Variants in UHRF2 observed in about 807,000 individuals in gnomAD.
The protein encoded by UHRF2 is ubiquitin like with PHD and ring finger domains 2, also known as E3 ubiquitin-protein ligase UHRF2.
In UHRF2, 23 loss-of-function variants were observed where a neutral mutation model predicts 96.8. The ratio of observed to expected loss-of-function variants is 0.24; its 90% confidence interval spans 0.17 to 0.34. The LOEUF is 0.34. UHRF2 is among the 10% of genes least tolerant of loss of function. The pLI, the probability that UHRF2 is intolerant of heterozygous loss-of-function variation, is 1.00. For missense variants in UHRF2, 685 were observed against 981.5 expected (o/e 0.70, Z 4.04); for synonymous variants, 385 against 332.6 (o/e 1.16, Z -1.72).
At position 6,419,365 on chromosome 9, in the gene UHRF2, G is replaced by T; in HGVS notation, c.154-1547G>T. On this transcript the variant is annotated intron_variant, in intron 1 of 15. Coordinates refer to ENST00000276893, the MANE Select transcript of UHRF2 (RefSeq NM_152896.3). The stretch of plus-strand genomic sequence containing the variant: ...AATTTATTCACTATTCTTCCTGGAA[G>T]ACTTCTTGATAAAACTTGATAATTG... Among the ~76,000 whole-genome samples the T allele has an allele frequency of 1.3e-5, 2 of 152,130 alleles. 1 individual carries two copies. Among genetic ancestry groups the T allele is most frequent in the East Asian group, 3.8e-4 (2 of 5,196 alleles).
chr9:6,419,945 G>C (rs955827443), intron 1 of UHRF2, among the ~76,000 whole-genome samples: 2 of 151,914 alleles, frequency 1.3e-5, no homozygotes, highest in African/African-American at 4.8e-5. Flanking sequence ...TTTTTGTAGA[G>C]ATGGGGTTAC....
At chr9:6,457,907 T>C (rs910584742) in intron 3 of UHRF2, among the ~76,000 whole-genome samples, 1 of 152,230 alleles carries the variant, frequency 6.6e-6, no homozygotes, top group African/African-American at 2.4e-5. Context: ...GGATTCGGTT[T>C]GCCCGTATTT....
intron 4 of UHRF2, among the ~76,000 whole-genome samples, chr9:6,470,143 C>T (rs561333751): frequency 3.9e-5 from 6 of 152,180 alleles, no homozygotes; most frequent in South Asian, 2.1e-4. Flanking sequence ...AAGGCCAAGG[C>T]GGGCAGATCA....
chr9:6,464,476 G>A (rs1348844115), intron 4 of UHRF2, among the ~76,000 whole-genome samples: 1 of 151,536 alleles, frequency 6.6e-6, no homozygotes, highest in Non-Finnish European at 1.5e-5. Flanking sequence ...TTTCCTTTAT[G>A]CTTGTACTTT....
chr9:6,488,946 G>A (rs1234303316), intron 9 of UHRF2, among the ~76,000 whole-genome samples: 1 of 151,922 alleles, frequency 6.6e-6, no homozygotes, highest in South Asian at 2.1e-4. Flanking sequence ...CCGAGTAGCT[G>A]GGACTACAGG....
At chr9:6,463,633 T>G (rs1822689899) in intron 4 of UHRF2, among the ~76,000 whole-genome samples, 1 of 151,936 alleles carries the variant, frequency 6.6e-6, no homozygotes, top group African/African-American at 2.4e-5. Context: ...ACCATGCCCA[T>G]CTCATTTTTT....
At chr9:6,422,414 A>G (rs556834871) in intron 2 of UHRF2, among the ~76,000 whole-genome samples, 62 of 151,496 alleles carry the variant, frequency 4.1e-4, no homozygotes, top group African/African-American at 5.6e-4. Context: ...TATCTCCCCA[A>G]TTTCTTTCCT....
chr9:6,498,070 GCTAT>G lies in UHRF2; in HGVS notation c.1823_1826del (p.Tyr608PhefsTer2), dbSNP rs1825072391. The G allele has an allele frequency of 6.2e-7, 1 of 1,613,618 alleles. No homozygotes were observed. Among genetic ancestry groups the G allele is most frequent in the African/African-American group, 1.3e-5 (1 of 74,902 alleles). Reference sequence around the variant, plus strand: ...TCAAGCCATGGATTCTTGGTTTGGCGCTATCTTTTAAGAAGAGATGATGTTGAAC... The same window carrying G: ...TCAAGCCATGGATTCTTGGTTTGGCGCTTTTAAGAAGAGATGATGTTGAAC... On this transcript the variant is annotated frameshift_variant, in exon 12 of 16. Transcript: ENST00000276893. LOFTEE classifies it high-confidence loss of function.
intron 4 of UHRF2, among the ~76,000 whole-genome samples, chr9:6,471,280 A>G (rs1587842303): frequency 6.6e-6 from 1 of 152,092 alleles, no homozygotes. Flanking sequence ...GCTGTGCAGG[A>G]GAAATATGTG....
intron 2 of UHRF2, among the ~76,000 whole-genome samples, chr9:6,429,994 G>T (rs1446252456): frequency 6.6e-6 from 1 of 152,124 alleles, no homozygotes; most frequent in Non-Finnish European, 1.5e-5. Flanking sequence ...TATTTGGACA[G>T]GGGAAACTTT....
intron 4 of UHRF2, among the ~76,000 whole-genome samples, chr9:6,469,440 C>A (rs535637027): frequency 6.6e-6 from 1 of 151,934 alleles, no homozygotes; most frequent in Non-Finnish European, 1.5e-5. Context: ...ATCACCTGAA[C>A]CTGGGAGACA....
At chr9:6,418,813 C>G (rs866505393) in intron 1 of UHRF2, among the ~76,000 whole-genome samples, 1 of 152,226 alleles carries the variant, frequency 6.6e-6, no homozygotes, top group Middle Eastern at 3.4e-3. Flanking sequence ...TGTACCAAAA[C>G]CTGGGTGGCT....
chr9:6,462,471 A>G (rs1277196355), intron 4 of UHRF2, among the ~76,000 whole-genome samples: 1 of 152,222 alleles, frequency 6.6e-6, no homozygotes, highest in African/African-American at 2.4e-5. Flanking sequence ...TGAAACCCTG[A>G]TATGGATGCA....
In UHRF2 at chr9:6,413,306, G is replaced by C. The variant is rs1020928895; in HGVS notation, c.-185G>C. 3 of 368,580 alleles carry C rather than the reference G, an allele frequency of 8.1e-6. No homozygotes were observed. The highest frequency in any genetic ancestry group is 1.2e-5 in the Non-Finnish European group (3 of 242,178). The allele number at this position is 368,580 out of a possible 1,614,324, so 22.8% of individuals were successfully genotyped here. On this transcript the variant is annotated 5_prime_UTR_variant, in exon 1 of 16. Coordinates refer to ENST00000276893, the MANE Select transcript of UHRF2 (RefSeq NM_152896.3). ...CGGTCGTCTCTCCTCAAGTCGGCTA[G>C]TCGGGCGCGCGCGCTGAGAGTCGTC...
intron 2 of UHRF2, among the ~76,000 whole-genome samples, chr9:6,430,138 G>C (rs1776492193): frequency 6.6e-6 from 1 of 152,186 alleles, no homozygotes. Flanking sequence ...AGCCTCCCAA[G>C]TAGCTGGGAT....
chr9:6,445,981 C>CTTTGTTTTTTTTTTTTTTTTTTTTT (rs751155835), intron 3 of UHRF2, among the ~76,000 whole-genome samples: 5 of 78,904 alleles, frequency 6.3e-5, no homozygotes, highest in African/African-American at 2.1e-4. Context: ...CCCCGCCACC[C>CTTTGTTTTTTTTTTTTTTTTTTTTT]TTTTTTTTTT....
Position 6,481,780 on chromosome 9 carries a change from TC to T in UHRF2, c.1284+18del. On this transcript the variant is annotated intron_variant, in intron 7 of 15. Coordinates refer to ENST00000276893, the MANE Select transcript of UHRF2 (RefSeq NM_152896.3). ...GACTGGGGCAGGGTAAAGAAGAAAT[TC>T]CCCTTTTCTTCCTAATAGCAAGTTA... 1 of 1,600,180 alleles carries T rather than the reference TC, an allele frequency of 6.2e-7. No individual in the cohort carries two copies. Among genetic ancestry groups the T allele is most frequent in the East Asian group, 2.2e-5 (1 of 44,804 alleles).
chr9:6,469,705 C>CAT (rs1554630054), intron 4 of UHRF2, among the ~76,000 whole-genome samples: 6 of 147,772 alleles, frequency 4.1e-5, no homozygotes, highest in African/African-American at 1.5e-4. Context: ...TATATACATA[C>CAT]ATATACACAC....
At chr9:6,491,191 G>C (rs13283631) in intron 9 of UHRF2, among the ~76,000 whole-genome samples, 4,819 of 152,298 alleles carry the variant, frequency 0.032, 100 homozygotes, top group Middle Eastern at 0.071. Context: ...GAAGTAGTTT[G>C]CTCAGTGTTC....
Sources: allele counts gnomAD v4.1 joint callset (sites outside exome capture counted in the v4.1 genomes callset), GRCh38; gene constraint gnomAD v4.1.1; transcripts MANE v1.5; gene names NCBI Gene and HGNC (gene_info 2026-07-23, HGNC 2026-07-21).